The following CSMD1 variants were observed in gnomAD, a reference collection of about 807,000 sequenced individuals.
CSMD1 encodes CUB and sushi domain-containing protein 1.
CSMD1 carries 213 observed loss-of-function variants against 417.5 expected under a neutral mutation model. The ratio of observed to expected loss-of-function variants is 0.51; its 90% confidence interval spans 0.46 to 0.57. The LOEUF (loss-of-function observed/expected upper bound fraction) is 0.57, where lower values mean the gene tolerates loss of function less well. Among genes scored for constraint, CSMD1 ranks in the 20% least tolerant of loss-of-function variants. CSMD1 has a pLI of 0.00. For missense variants in CSMD1, 6,923 were observed against 4,529.7 expected, an observed-to-expected ratio of 1.53 and a Z score of -15.17; for synonymous variants, 2,862 against 1,736.8, an observed-to-expected ratio of 1.65 and a Z score of -16.11.
intron 5 of CSMD1, among the ~76,000 whole-genome samples, chr8:3,954,674 T>G (rs1811818601): frequency 6.6e-6 from 1 of 152,228 alleles, no homozygotes. Flanking sequence ...ATCCCAGGAC[T>G]TGTATAGACT....
At chr8:3,059,151 G>C (rs1446905845) in intron 49 of CSMD1, among the ~76,000 whole-genome samples, 2 of 151,182 alleles carry the variant, frequency 1.3e-5, no homozygotes, top group African/African-American at 4.9e-5. Flanking sequence ...TCCCATCAAA[G>C]CGTATTTTAG....
At chr8:4,439,873 G>T (rs1322379966) in intron 2 of CSMD1, among the ~76,000 whole-genome samples, 1 of 152,130 alleles carries the variant, frequency 6.6e-6, no homozygotes, top group African/African-American at 2.4e-5. Flanking sequence ...GGTGTAATGA[G>T]ATCCCAAAAG....
chr8:3,772,567 A>G (rs1334223780), intron 5 of CSMD1, among the ~76,000 whole-genome samples: 4 of 137,748 alleles, frequency 2.9e-5, no homozygotes, highest in African/African-American at 1.1e-4. Context: ...ATACATATAT[A>G]TACATATATA....
intron 3 of CSMD1, among the ~76,000 whole-genome samples, chr8:4,069,471 T>G (rs1799431843): frequency 6.6e-6 from 1 of 152,192 alleles, no homozygotes; most frequent in Non-Finnish European, 1.5e-5. Context: ...CGCAGGATAT[T>G]ATCTCTAGGT....
chr8:4,980,752 C>G (rs972160512), intron 1 of CSMD1, among the ~76,000 whole-genome samples: 2 of 151,948 alleles, frequency 1.3e-5, no homozygotes, highest in African/African-American at 4.8e-5. Flanking sequence ...AAAGCTACAC[C>G]AAGTGAGCTG....
rs535201672 is a variant in CSMD1, at chr8:3,284,207, G to A, written c.4090C>T (p.Leu1364Phe). 1 of 1,609,224 alleles carries A rather than the reference G, an allele frequency of 6.2e-7. No individual in the cohort carries two copies. Among genetic ancestry groups the A allele is most frequent in the Non-Finnish European group, 8.5e-7 (1 of 1,177,908 alleles). ...AAGTCGCTGTCGAACTGCAGGGTGA[G>A]TGAGTTGAAGGTGCTGTGGATGTCC... The part of the protein sequence containing the change: ...PEDIHSTFNS[L>F]TLQFDSDFFI... Residue 1364 changes from leucine (L) to phenylalanine (F), a missense_variant, in exon 26 of 70, where the codon CTC becomes TTC. Physicochemically the swap from Leu to Phe is conservative, Grantham distance 22. Coordinates refer to ENST00000635120, the MANE Select transcript of CSMD1 (RefSeq NM_033225.6).
chr8:3,327,577 A>C (rs1164573617), intron 23 of CSMD1, among the ~76,000 whole-genome samples: 2 of 152,136 alleles, frequency 1.3e-5, no homozygotes, highest in Non-Finnish European at 2.9e-5. Context: ...GAATGTCACC[A>C]TGTTGTACTC....
chr8:3,137,944 G>C (rs531518762), intron 41 of CSMD1, among the ~76,000 whole-genome samples: 5 of 152,338 alleles, frequency 3.3e-5, no homozygotes, highest in Admixed American at 6.5e-5. Context: ...CAATATCCCG[G>C]CTGGGCGCAG....
At chr8:4,165,966 G>A (rs1020092592) in intron 3 of CSMD1, among the ~76,000 whole-genome samples, 2 of 152,198 alleles carry the variant, frequency 1.3e-5, no homozygotes, top group Non-Finnish European at 2.9e-5. Context: ...GTCACTGTAA[G>A]TAATAACAAT....
At chr8:4,063,152 T>C (rs181642041) in intron 3 of CSMD1, among the ~76,000 whole-genome samples, 1 of 152,274 alleles carries the variant, frequency 6.6e-6, no homozygotes, top group African/African-American at 2.4e-5. Context: ...GCCTAGAAGA[T>C]TTGGAAATGA....
intron 2 of CSMD1, among the ~76,000 whole-genome samples, chr8:4,509,019 C>G (rs907217410): frequency 4.6e-5 from 7 of 151,278 alleles, no homozygotes; most frequent in African/African-American, 1.5e-4. Context: ...TGAGAAAAGA[C>G]AACATGAGAA....
chr8:3,551,250 T>C (rs1193061836), intron 10 of CSMD1, among the ~76,000 whole-genome samples: 2 of 152,192 alleles, frequency 1.3e-5, no homozygotes, highest in South Asian at 2.1e-4. Flanking sequence ...TCAAGAAATA[T>C]TAACTAATAT....
At chr8:4,188,831 A>G (rs549645400) in intron 3 of CSMD1, among the ~76,000 whole-genome samples, 1 of 148,074 alleles carries the variant, frequency 6.8e-6, no homozygotes, top group Admixed American at 6.7e-5. Context: ...ATTGGGAGGG[A>G]TATTAAAAAA....
At chr8:2,979,683 A>G (rs761350466) in intron 54 of CSMD1, among the ~76,000 whole-genome samples, 2 of 152,208 alleles carry the variant, frequency 1.3e-5, no homozygotes, top group Non-Finnish European at 2.9e-5. Flanking sequence ...TGTGCGTTTT[A>G]TTTCTTCTCT....
chr8:4,945,492 T>TA (rs1489665890), intron 1 of CSMD1, among the ~76,000 whole-genome samples: 5 of 145,444 alleles, frequency 3.4e-5, no homozygotes, highest in African/African-American at 5.5e-5. Flanking sequence ...CCCAAGAGTT[T>TA]TAAAAAAACA....
In CSMD1 at chr8:3,179,165, T is replaced by C. The variant is rs563790189; in HGVS notation, c.5725+1945A>G. ...TTTCAACGTGTTAGCCAGGACTGTC[T>C]CGATCTCCTGACCTCGTGATCTGCC... is the stretch of plus-strand genomic sequence containing the variant. On this transcript the variant is annotated intron_variant, in intron 37 of 69. Transcript: ENST00000635120. 9.2e-4 allele frequency among the ~76,000 whole-genome samples: 140 copies of C among 151,678 alleles called. 5 individuals carry two copies. The highest frequency in any genetic ancestry group is 2.9e-3 in the African/African-American group (121 of 41,218).
chr8:4,869,940 A>C (rs149530861), intron 1 of CSMD1, among the ~76,000 whole-genome samples: 2,020 of 152,120 alleles, frequency 0.013, 33 homozygotes, highest in Non-Finnish European at 0.019. Context: ...TATTGTCCTA[A>C]TCTACAATAA....
At chr8:4,700,922 G>C (rs1231577046) in intron 1 of CSMD1, among the ~76,000 whole-genome samples, 1 of 152,164 alleles carries the variant, frequency 6.6e-6, no homozygotes, top group East Asian at 1.9e-4. Flanking sequence ...CAGAGGAGCA[G>C]AGAACACTGT....
intron 3 of CSMD1, among the ~76,000 whole-genome samples, chr8:4,254,355 G>T (rs540974263): frequency 6.6e-6 from 1 of 152,116 alleles, no homozygotes; most frequent in African/African-American, 2.4e-5. Flanking sequence ...CTTGTATAGG[G>T]AAGTACAGTA....
Sources: gnomAD v4.1 joint callset for allele counts (sites outside exome capture counted in the v4.1 genomes callset) on GRCh38, gnomAD v4.1.1 for gene constraint, MANE v1.5 for transcripts, NCBI Gene and HGNC (gene_info 2026-07-23, HGNC 2026-07-21) for gene names.